The following MYO1E variants were observed in gnomAD, a reference collection of about 807,000 sequenced individuals.
MYO1E encodes unconventional myosin-Ie.
MYO1E carries 68 observed loss-of-function variants against 151.1 expected under a neutral mutation model. That is an observed-to-expected ratio of 0.45 (90% CI 0.37 to 0.55). The LOEUF is 0.55. Among genes scored for constraint, MYO1E ranks in the 20% least tolerant of loss-of-function variants. MYO1E has a pLI of 0.00. For synonymous variants in MYO1E, 601 were observed against 501.7 expected (o/e 1.20, Z -2.64); for missense variants, 1,363 against 1,389.3 (o/e 0.98, Z 0.30).
intron 25 of MYO1E, among the ~76,000 whole-genome samples, chr15:59,154,105 G>C (rs1451763319): frequency 6.6e-6 from 1 of 152,206 alleles, no homozygotes; most frequent in Admixed American, 6.5e-5. Context: ...GCACATGCTT[G>C]GTGGCAATAG....
intron 1 of MYO1E, among the ~76,000 whole-genome samples, chr15:59,342,870 G>A (rs1277527848): frequency 6.6e-6 from 1 of 152,096 alleles, no homozygotes; most frequent in African/African-American, 2.4e-5. Context: ...AACATCGATT[G>A]CATAAACAAA....
chr15:59,138,455 G>C lies in MYO1E; in HGVS notation c.3081-88C>G, dbSNP rs911072950. ...GTTTGGAGCATGGCGGCCGGCACTG[G>C]CCTGTTCAAGTTCAAATCCAGCTCC... On this transcript the variant is annotated intron_variant, in intron 26 of 27. Transcript: ENST00000288235. 5 of 1,419,882 alleles carry C rather than the reference G, an allele frequency of 3.5e-6. No homozygotes were observed. The Admixed American group carries it at 5.2e-5, about 15-fold the overall frequency. The allele number at this position is 1,419,882 out of a possible 1,614,324, so 88.0% of individuals were successfully genotyped here. A position where few individuals can be genotyped will look rare whatever the true frequency, so the allele number is the denominator to read the frequency against.
At chr15:59,303,561 A>G (rs1465650729) in intron 1 of MYO1E, among the ~76,000 whole-genome samples, 1 of 152,154 alleles carries the variant, frequency 6.6e-6, no homozygotes, top group African/African-American at 2.4e-5. Flanking sequence ...AAAAGGAAGA[A>G]ATTAAAAAAG....
In MYO1E at chr15:59,195,434, C is replaced by T. The variant is rs2140330135; in HGVS notation, c.1805+27G>A. ...TGAGCAGAGGGAAAAAGGTCCCGGCCCCACCTAAGCCGGTTTCCCCCGATA... is the reference window on the plus strand; with the variant it reads ...TGAGCAGAGGGAAAAAGGTCCCGGCTCCACCTAAGCCGGTTTCCCCCGATA... On this transcript the variant is annotated intron_variant, in intron 17 of 27. Coordinates refer to ENST00000288235, the MANE Select transcript of MYO1E (RefSeq NM_004998.4). The T allele has an allele frequency of 2.5e-6, 4 of 1,580,162 alleles. No homozygotes were observed. In the East Asian group the frequency reaches 6.7e-5, roughly 27 times the overall value.
intron 7 of MYO1E, among the ~76,000 whole-genome samples, chr15:59,226,040 G>T (rs1226981591): frequency 2.6e-5 from 4 of 152,164 alleles, no homozygotes; most frequent in African/African-American, 9.7e-5. Flanking sequence ...GAGAACTCCT[G>T]GGGGAGGGTT....
At chr15:59,363,379 C>T (rs6494102) in intron 1 of MYO1E, among the ~76,000 whole-genome samples, 113,990 of 152,190 alleles carry the variant, frequency 0.75, 45,357 homozygotes, top group Non-Finnish European at 0.89. Context: ...AACACTACTA[C>T]TCATAACAGA....
intron 23 of MYO1E, among the ~76,000 whole-genome samples, 188 bp downstream of exon 23, chr15:59,162,969 A>G (rs1467545778): frequency 3.9e-5 from 6 of 152,244 alleles, no homozygotes; most frequent in Admixed American, 2.6e-4. Flanking sequence ...GAAATGCAAA[A>G]GTAACCTTTT....
chr15:59,330,897 G>A (rs1399955177), intron 1 of MYO1E, among the ~76,000 whole-genome samples: 2 of 152,048 alleles, frequency 1.3e-5, no homozygotes, highest in Non-Finnish European at 2.9e-5. Flanking sequence ...GCCCCTGCAG[G>A]TAGCTGGGAC....
intron 1 of MYO1E, among the ~76,000 whole-genome samples, chr15:59,287,436 A>G (rs2080393752): frequency 6.6e-6 from 1 of 152,180 alleles, no homozygotes; most frequent in South Asian, 2.1e-4. Context: ...AATTTGCAAT[A>G]AAAACCAATT....
intron 1 of MYO1E, among the ~76,000 whole-genome samples, chr15:59,280,989 A>G (rs753128481): frequency 6.6e-6 from 1 of 151,908 alleles, no homozygotes; most frequent in Non-Finnish European, 1.5e-5. Flanking sequence ...CCCCATCCTC[A>G]CCTCCAACCC....
At chr15:59,245,169 C>A (rs779027803) in intron 4 of MYO1E, among the ~76,000 whole-genome samples, 9 of 152,144 alleles carry the variant, frequency 5.9e-5, no homozygotes, top group Non-Finnish European at 8.8e-5. Flanking sequence ...TGAAAAGCGT[C>A]CCCATGCTAA....
intron 14 of MYO1E, 43 bp downstream of exon 14, chr15:59,208,638 A>C (rs1390255276): frequency 6.2e-7 from 1 of 1,611,596 alleles, no homozygotes; most frequent in East Asian, 2.2e-5. Flanking sequence ...CACAAACCCA[A>C]AGGCTTAAAA....
rs896274995 is a variant in MYO1E, at chr15:59,132,437, C to G, written c.*4943G>C. On this transcript the variant is annotated 3_prime_UTR_variant, in exon 28 of 28. Coordinates refer to ENST00000288235, the MANE Select transcript of MYO1E (RefSeq NM_004998.4). ...AGCATATTCCAAAGACATTTTATAG[C>G]TTCCTTATTACATATTTTACTTAGT... 13 of 152,242 alleles carry G rather than the reference C, an allele frequency of 8.5e-5. No homozygotes were observed. Among genetic ancestry groups the G allele is most frequent in the African/African-American group, 3.1e-4 (13 of 41,550 alleles). 9.4% of individuals were successfully genotyped at this position (152,242 alleles called of 1,614,324 possible).
rs746854170 is a variant in MYO1E at position 59,137,378 on chromosome 15, C to T, written c.*2G>A. On this transcript the variant is annotated 3_prime_UTR_variant, in exon 28 of 28. Coordinates refer to ENST00000288235, the MANE Select transcript of MYO1E (RefSeq NM_004998.4). ...GCCCCATGTGTCAGAGTCACGGGCA[C>T]CTCAGATCTTGGTCACATAGTTGTT... 2.5e-6 allele frequency: 4 copies of T among 1,614,096 alleles called. No individual in the cohort carries two copies. The highest frequency in any genetic ancestry group is 1.7e-5 in the Admixed American group (1 of 60,026).
chr15:59,372,056 G>A (rs2080948777), intron 1 of MYO1E, among the ~76,000 whole-genome samples: 1 of 150,528 alleles, frequency 6.6e-6, no homozygotes, highest in Non-Finnish European at 1.5e-5. Context: ...GCGCGAGGGT[G>A]CCCGGGGCGG....
chr15:59,314,239 C>A (rs538019705), intron 1 of MYO1E, among the ~76,000 whole-genome samples: 1 of 152,170 alleles, frequency 6.6e-6, no homozygotes, highest in Non-Finnish European at 1.5e-5. Context: ...TCCCCATCCC[C>A]TGAATATGAA....
At chr15:59,363,126 C>T (rs748157338) in intron 1 of MYO1E, among the ~76,000 whole-genome samples, 5 of 152,114 alleles carry the variant, frequency 3.3e-5, no homozygotes, top group African/African-American at 7.2e-5. Flanking sequence ...CTGGTGCCCA[C>T]CACCATGCCT....
At chr15:59,184,335 AGTACTCCAC>A (rs1305967422) in intron 18 of MYO1E, among the ~76,000 whole-genome samples, 2 of 150,918 alleles carry the variant, frequency 1.3e-5, no homozygotes, top group Non-Finnish European at 2.9e-5. Context: ...ATGCCTGAAT[AGTACTCCAC>A]TGTGTATGTG....
intron 4 of MYO1E, among the ~76,000 whole-genome samples, chr15:59,254,419 C>T (rs2080182670): frequency 6.6e-6 from 1 of 152,120 alleles, no homozygotes; most frequent in African/African-American, 2.4e-5. Flanking sequence ...CAATTCCTGG[C>T]CTCAAGTGAT....
Sources: allele counts gnomAD v4.1 joint callset (sites outside exome capture counted in the v4.1 genomes callset), GRCh38; gene constraint gnomAD v4.1.1; transcripts MANE v1.5; gene names NCBI Gene and HGNC (gene_info 2026-07-23, HGNC 2026-07-21).